CDKL1: variants seen among roughly 807,000 people sequenced by gnomAD.
CDKL1 encodes the protein cyclin dependent kinase like 1.
Under a neutral mutation model 42.0 loss-of-function variants are expected in CDKL1, and 41 were observed. That is an observed-to-expected ratio of 0.98 (90% confidence interval 0.76 to 1.27). The LOEUF (loss-of-function observed/expected upper bound fraction) is 1.27. Ranked by LOEUF, CDKL1 falls within the 50% of genes most tolerant of loss-of-function variation. The pLI, the probability that CDKL1 is intolerant of heterozygous loss-of-function variation, is 0.00. For synonymous variants in CDKL1, 153 were observed against 158.6 expected (o/e 0.96, Z 0.26); for missense variants, 394 against 428.4 (o/e 0.92, Z 0.71).
intron 2 of CDKL1, among the ~76,000 whole-genome samples, chr14:50,379,091 A>T (rs1403460144): frequency 1.3e-5 from 2 of 152,250 alleles, no homozygotes; most frequent in East Asian, 3.9e-4. Flanking sequence ...ACCTCAAGTG[A>T]TCTGCCCGCC....
At chr14:50,340,972 C>G (rs755473158) in intron 6 of CDKL1, 60 bp downstream of exon 6, 456 of 1,579,110 alleles carry the variant, frequency 2.9e-4, no homozygotes, top group Non-Finnish European at 3.8e-4. Flanking sequence ...TTGGCTCTGC[C>G]CTGCCCCAAC....
intron 9 of CDKL1, chr14:50,331,703 T>C (rs1338435869): frequency 1.0e-5 from 3 of 289,278 alleles, no homozygotes; most frequent in Non-Finnish European, 1.9e-5. Flanking sequence ...AGATGCTTAA[T>C]GTAAGGCCAT....
intron 2 of CDKL1, among the ~76,000 whole-genome samples, chr14:50,384,028 T>C (rs2035001355): frequency 6.6e-6 from 1 of 152,194 alleles, no homozygotes. Flanking sequence ...TATTATCTTG[T>C]AAAAATAAAA....
chr14:50,343,153 T>TA, intron 4 of CDKL1: 17 of 579,894 alleles, frequency 2.9e-5, no homozygotes, highest in Non-Finnish European at 3.8e-5. Context: ...AATTAAGAGT[T>TA]ACTTTTTTTT....
At position 50,377,698 on chromosome 14, in the gene CDKL1, G is replaced by A. The variant is rs557182617; in HGVS notation, c.168+18003C>T. The A allele has an allele frequency of 3.0e-6, 4 of 1,312,522 alleles. No homozygotes were observed. In the South Asian group the frequency reaches 3.9e-5, roughly 13 times the overall value. The allele number at this position is 1,312,522 out of a possible 1,614,324, so 81.3% of individuals were successfully genotyped here. A position where few individuals can be genotyped will look rare whatever the true frequency, so the allele number is the denominator to read the frequency against. On this transcript the variant is annotated intron_variant, in intron 2 of 9. Coordinates refer to ENST00000395834, the MANE Select transcript of CDKL1 (RefSeq NM_004196.7). ...AGTCACTAAGCCTTTTGTCAGGGCT[G>A]GTTTTGAATGGGGTGTAAGCTTGCT...
At chr14:50,340,815 T>C (rs2033488252) in intron 6 of CDKL1, among the ~76,000 whole-genome samples, 1 of 152,228 alleles carries the variant, frequency 6.6e-6, no homozygotes, top group Non-Finnish European at 1.5e-5. Flanking sequence ...CTTGGGTTGT[T>C]TTTGGACAAT....
At chr14:50,358,265 GA>G in intron 3 of CDKL1, 2 of 541,858 alleles carry the variant, frequency 3.7e-6, no homozygotes, top group Non-Finnish European at 2.8e-6. Context: ...TTTGTCACTT[GA>G]AACCAAAGAA....
At chr14:50,350,009 C>T (rs2033851317) in intron 3 of CDKL1, among the ~76,000 whole-genome samples, 2 of 152,202 alleles carry the variant, frequency 1.3e-5, no homozygotes, top group Admixed American at 1.3e-4. Context: ...GAACGCCTGA[C>T]CTCAGGTAAT....
chr14:50,339,081 C>A, intron 6 of CDKL1, 52 bp from the exon 7 acceptor site: 1 of 1,162,952 alleles, frequency 8.6e-7, no homozygotes, highest in South Asian at 1.2e-5. Context: ...AAACACTGAT[C>A]TATGGTTTTC....
chr14:50,360,786 T>TTGTGTGTGTG (rs58307197), intron 2 of CDKL1, among the ~76,000 whole-genome samples: 301 of 144,694 alleles, frequency 2.1e-3, no homozygotes, highest in African/African-American at 5.2e-3. Context: ...GTGTGTGTGT[T>TTGTGTGTGTG]TGTGTGTGTG....
chr14:50,332,699 G>C lies in CDKL1; in HGVS notation c.796-267C>G, dbSNP rs916833712. The C allele has an allele frequency of 3.3e-6, 5 of 1,532,180 alleles. No homozygotes were observed. In the African/African-American group the frequency reaches 6.9e-5, roughly 21 times the overall value. 94.9% of individuals were successfully genotyped at this position (1,532,180 alleles called of 1,614,324 possible). A position where few individuals can be genotyped will look rare whatever the true frequency, so the allele number is the denominator to read the frequency against. ...AAGCAATTGGTACTCTGCCCTGGGA[G>C]AGTAAGATATAATTTTAGAGTTTAC... On this transcript the variant is annotated intron_variant, in intron 8 of 9. Coordinates refer to ENST00000395834, the MANE Select transcript of CDKL1 (RefSeq NM_004196.7).
At chr14:50,351,267 G>A (rs2033893400) in intron 3 of CDKL1, among the ~76,000 whole-genome samples, 1 of 151,918 alleles carries the variant, frequency 6.6e-6, no homozygotes, top group Non-Finnish European at 1.5e-5. Flanking sequence ...TTACAAGGAT[G>A]ATGGCAAAGG....
At chr14:50,388,116 C>T (rs1051966761) in intron 2 of CDKL1, among the ~76,000 whole-genome samples, 1 of 152,176 alleles carries the variant, frequency 6.6e-6, no homozygotes, top group African/African-American at 2.4e-5. Context: ...GTCTCAAACT[C>T]CTGACCTCGT....
intron 2 of CDKL1, among the ~76,000 whole-genome samples, chr14:50,375,933 A>T (rs906791191): frequency 1.3e-5 from 2 of 152,182 alleles, no homozygotes; most frequent in African/African-American, 4.8e-5. Context: ...TCTACAAAAT[A>T]TGTGACCAGT....
chr14:50,392,103 A>T (rs947523806), intron 2 of CDKL1, among the ~76,000 whole-genome samples: 12 of 152,186 alleles, frequency 7.9e-5, no homozygotes, highest in African/African-American at 2.9e-4. Context: ...CTACTAATGG[A>T]GACACAGAGC....
At chr14:50,363,726 T>C (rs958405996) in intron 2 of CDKL1, 2 of 152,210 alleles carry the variant, frequency 1.3e-5, no homozygotes, top group African/African-American at 4.8e-5. Flanking sequence ...CCCCCGACCT[T>C]CTCTGGATGC....
intron 2 of CDKL1, among the ~76,000 whole-genome samples, chr14:50,367,011 A>C (rs758307829): frequency 6.6e-6 from 1 of 152,232 alleles, no homozygotes; most frequent in Non-Finnish European, 1.5e-5. Context: ...AAGCGAAGCC[A>C]TAGACAGAGA....
intron 3 of CDKL1, among the ~76,000 whole-genome samples, chr14:50,346,658 T>G (rs909034488): frequency 4.1e-4 from 37 of 90,332 alleles, no homozygotes; most frequent in Non-Finnish European, 1.6e-4. Flanking sequence ...TTTGGTTTTT[T>G]TTTTTTTTTT....
rs112928084 is a variant in CDKL1 at position 50,326,932 on chromosome 14, T to G, written c.*3142A>C. On this transcript the variant is annotated 3_prime_UTR_variant, in exon 10 of 10. Transcript: ENST00000395834. ...GGTGCATACCTGTAATCTCAGATAC[T>G]TGGGAGGTTGAGGTGGTAGGATTGC... 5.6e-6 allele frequency: 1 copy of G among 177,050 alleles called. No individual in the cohort carries two copies. The highest frequency in any genetic ancestry group is 1.9e-4 in the South Asian group (1 of 5,300). 11.0% of individuals were successfully genotyped at this position (177,050 alleles called of 1,614,324 possible).
Sources: allele counts gnomAD v4.1 joint callset (sites outside exome capture counted in the v4.1 genomes callset), GRCh38; gene constraint gnomAD v4.1.1; transcripts MANE v1.5; gene names NCBI Gene and HGNC (gene_info 2026-07-23, HGNC 2026-07-21).